Variants in LEMD1 observed in about 807,000 individuals in gnomAD.
The protein encoded by LEMD1 is LEM domain containing 1.
A neutral mutation model predicts 17.4 loss-of-function variants in LEMD1; 18 were observed. That is an observed-to-expected ratio of 1.04 (90% CI 0.72 to 1.54). LEMD1 has a LOEUF of 1.54. Among genes scored for constraint, LEMD1 ranks in the 40% most tolerant of loss-of-function variants. LEMD1 has a pLI of 0.00. For missense variants in LEMD1, 195 were observed against 210.4 expected, an observed-to-expected ratio of 0.93 and a Z score of 0.45; for synonymous variants, 88 against 77.8, an observed-to-expected ratio of 1.13 and a Z score of -0.69.
chr1:205,388,840 C>T (rs1358688378), intron 4 of LEMD1, among the ~76,000 whole-genome samples: 1 of 151,658 alleles, frequency 6.6e-6, no homozygotes, highest in African/African-American at 2.4e-5. Flanking sequence ...TGTTTTTTTC[C>T]AGGTGGACTA....
upstream of LEMD1, among the ~76,000 whole-genome samples, chr1:205,423,587 C>T (rs888052120): frequency 3.3e-5 from 5 of 152,188 alleles, no homozygotes; most frequent in Non-Finnish European, 7.3e-5. Flanking sequence ...CTATGGGTTG[C>T]GCCCTATATT....
intron 4 of LEMD1, among the ~76,000 whole-genome samples, chr1:205,410,915 G>A (rs1041460107): frequency 2.0e-5 from 3 of 146,622 alleles, no homozygotes; most frequent in African/African-American, 5.1e-5. Flanking sequence ...AGGAAGGAAG[G>A]ACAGGAAAGA....
chr1:205,396,820 G>A (rs1376625052), intron 4 of LEMD1, among the ~76,000 whole-genome samples: 2 of 152,190 alleles, frequency 1.3e-5, no homozygotes, highest in African/African-American at 2.4e-5. Context: ...TGGGGGAAAA[G>A]GAAGATGTCC....
At chr1:205,429,364 C>G (rs535219979) in intron 1 of LEMD1, among the ~76,000 whole-genome samples, 1 of 152,268 alleles carries the variant, frequency 6.6e-6, no homozygotes, top group South Asian at 2.1e-4. Context: ...TGGTAGGGGT[C>G]CTCTGAAGCC....
At chr1:205,416,447 C>T (rs1324256447) in intron 3 of LEMD1, among the ~76,000 whole-genome samples, 151 bp from the exon 4 acceptor site, 1 of 152,186 alleles carries the variant, frequency 6.6e-6, no homozygotes, top group East Asian at 1.9e-4. Context: ...CGGAAGAGAA[C>T]ATTTCTCCTG....
At position 205,381,467 on chromosome 1, in the gene LEMD1, C is replaced by T. The variant is rs1285116928; in HGVS notation, c.*191G>A. Reference sequence around the variant, plus strand: ...GATTTCCTAACCATCATGCTCTTAACACAGGTGCCTGGTTAGGCAGGTTCC... The same window carrying T: ...GATTTCCTAACCATCATGCTCTTAATACAGGTGCCTGGTTAGGCAGGTTCC... On this transcript the variant is annotated 3_prime_UTR_variant, in exon 6 of 6. Transcript: ENST00000367153. 1.6e-6 allele frequency: 1 copy of T among 614,164 alleles called. No individual in the cohort carries two copies. Among genetic ancestry groups the T allele is most frequent in the Non-Finnish European group, 2.9e-6 (1 of 346,426 alleles). 38.0% of individuals were successfully genotyped at this position (614,164 alleles called of 1,614,324 possible).
Position 205,397,475 on chromosome 1 carries a change from G to A in LEMD1, c.271-13111C>T, listed in dbSNP as rs1445051483. Among the ~76,000 whole-genome samples the A allele has an allele frequency of 2.6e-5, 4 of 152,286 alleles. No individual in the cohort carries two copies. The East Asian group carries it at 5.8e-4, about 22-fold the overall frequency. On this transcript the variant is annotated intron_variant, in intron 4 of 5. Coordinates refer to ENST00000367153, the MANE Select transcript of LEMD1 (RefSeq NM_001199050.2). Reference sequence around the variant, plus strand: ...AATGTAAAAATTAGCAGGGTGTGGTGGCACACACCTGTAGTCTTAGCTGCT... The same window carrying A: ...AATGTAAAAATTAGCAGGGTGTGGTAGCACACACCTGTAGTCTTAGCTGCT...
intron 3 of LEMD1, among the ~76,000 whole-genome samples, chr1:205,418,619 G>A (rs1302671952): frequency 1.3e-5 from 2 of 152,130 alleles, no homozygotes; most frequent in East Asian, 1.9e-4. Context: ...TGGTTCAGGC[G>A]ATTCTCCTGC....
At chr1:205,424,408 G>A (rs773904832), upstream of LEMD1, among the ~76,000 whole-genome samples, 1 of 152,156 alleles carries the variant, frequency 6.6e-6, no homozygotes, top group Non-Finnish European at 1.5e-5. Context: ...ATCATTAGCT[G>A]ATCAATTTCT....
intron 4 of LEMD1, among the ~76,000 whole-genome samples, chr1:205,393,032 C>T (rs114799353): frequency 0.012 from 1,834 of 152,120 alleles, 33 homozygotes; most frequent in African/African-American, 0.041. Context: ...CTGCTTGAGC[C>T]CAGGAGTTTG....
intron 4 of LEMD1, among the ~76,000 whole-genome samples, chr1:205,393,021 A>C (rs1354751626): frequency 6.6e-6 from 1 of 152,208 alleles, no homozygotes; most frequent in Non-Finnish European, 1.5e-5. Context: ...AGGCAGGTGG[A>C]CTGCTTGAGC....
chr1:205,431,076 C>T (rs992452453), intron 1 of LEMD1, among the ~76,000 whole-genome samples: 1 of 152,148 alleles, frequency 6.6e-6, no homozygotes, highest in African/African-American at 2.4e-5. Context: ...GGGCGGAGGA[C>T]CCCCAGCTCA....
intron 4 of LEMD1, among the ~76,000 whole-genome samples, chr1:205,402,609 A>G (rs925733793): frequency 2.6e-5 from 4 of 152,160 alleles, no homozygotes; most frequent in African/African-American, 9.7e-5. Flanking sequence ...GGCTGAGACA[A>G]TGGGGTGTTC....
rs4951214 is a variant in LEMD1, at chr1:205,383,638, T to C, written c.347+650A>G. Among the ~76,000 whole-genome samples the C allele has an allele frequency of 9.7e-3, 1,467 of 150,682 alleles. 21 individuals carry two copies. Among genetic ancestry groups the C allele is most frequent in the African/African-American group, 0.034 (1,386 of 40,670 alleles). The stretch of plus-strand genomic sequence containing the variant: ...TATATCCTTTTTTTTTTTTCTTTTT[T>C]CTTTTTTTTTTTTGAGGCAGAGTCT... On this transcript the variant is annotated intron_variant, in intron 5 of 5. Transcript: ENST00000367153.
At chr1:205,392,459 T>C (rs1294359103) in intron 4 of LEMD1, among the ~76,000 whole-genome samples, 1 of 151,810 alleles carries the variant, frequency 6.6e-6, no homozygotes, top group Admixed American at 6.6e-5. Context: ...GGAGGATCGT[T>C]TGAGCCCAGG....
chr1:205,390,100 A>G (rs1203172619), intron 4 of LEMD1, among the ~76,000 whole-genome samples: 1 of 152,194 alleles, frequency 6.6e-6, no homozygotes, highest in East Asian at 1.9e-4. Context: ...CACGCCTGTA[A>G]TTGCAGCACT....
chr1:205,414,156 G>T (rs1252853831), intron 4 of LEMD1, among the ~76,000 whole-genome samples: 1 of 152,158 alleles, frequency 6.6e-6, no homozygotes, highest in Non-Finnish European at 1.5e-5. Flanking sequence ...ATGGTGTATA[G>T]CAAGTTTGCA....
At chr1:205,431,255 T>C (rs1393639903) in intron 1 of LEMD1, among the ~76,000 whole-genome samples, 1 of 152,260 alleles carries the variant, frequency 6.6e-6, no homozygotes. Context: ...GCATATTGAC[T>C]GAATGTCTAC....
chr1:205,428,353 G>T (rs568772582), intron 1 of LEMD1, among the ~76,000 whole-genome samples: 34 of 152,198 alleles, frequency 2.2e-4, no homozygotes, highest in African/African-American at 8.2e-4. Flanking sequence ...TGAGAGGAAG[G>T]GTGCAGGACT....
Sources: gnomAD v4.1 joint callset for allele counts (sites outside exome capture counted in the v4.1 genomes callset) on GRCh38, gnomAD v4.1.1 for gene constraint, MANE v1.5 for transcripts, NCBI Gene and HGNC (gene_info 2026-07-23, HGNC 2026-07-21) for gene names.